EFCAB5: variants seen among roughly 807,000 people sequenced by gnomAD.
EFCAB5 encodes EF-hand calcium-binding domain-containing protein 5.
In EFCAB5, 131 loss-of-function variants were observed where a neutral mutation model predicts 167.9. The ratio of observed to expected loss-of-function variants is 0.78; its 90% confidence interval spans 0.68 to 0.90. The LOEUF is 0.90. EFCAB5 is among the 40% of genes least tolerant of loss of function. EFCAB5 has a pLI of 0.00. For missense variants in EFCAB5, 1,663 were observed against 1,745.2 expected, an observed-to-expected ratio of 0.95 and a Z score of 0.84; for synonymous variants, 574 against 602.8, an observed-to-expected ratio of 0.95 and a Z score of 0.70.
chr17:30,074,507 G>C (rs1238540193), intron 14 of EFCAB5: 1 of 152,132 alleles, frequency 6.6e-6, no homozygotes, highest in Non-Finnish European at 1.5e-5. Flanking sequence ...TTTTATTGCT[G>C]AGTAGTATTC....
chr17:30,020,306 A>G (rs982061894), intron 7 of EFCAB5, among the ~76,000 whole-genome samples: 4 of 140,356 alleles, frequency 2.8e-5, no homozygotes, highest in Non-Finnish European at 6.3e-5. Context: ...TTCTATGAAT[A>G]TTTTCCTTCT....
chr17:30,017,431 TACTACGCC>T (rs146013706), intron 7 of EFCAB5, among the ~76,000 whole-genome samples: 2,034 of 152,252 alleles, frequency 0.013, 36 homozygotes, highest in African/African-American at 0.047. Context: ...CAGGTTTATA[TACTACGCC>T]ACTACAGATA....
chr17:30,105,200 AAG>A (rs1301146977), intron 22 of EFCAB5, among the ~76,000 whole-genome samples: 5 of 152,204 alleles, frequency 3.3e-5, no homozygotes, highest in South Asian at 2.1e-4. Flanking sequence ...AATTAACAGA[AAG>A]AGAGATGAAT....
chr17:30,049,335 C>A (rs1297945042), intron 8 of EFCAB5, among the ~76,000 whole-genome samples: 1 of 152,048 alleles, frequency 6.6e-6, no homozygotes, highest in Non-Finnish European at 1.5e-5. Flanking sequence ...CAAAAATTAG[C>A]CAGGCGTGGT....
rs546928421 is a variant in EFCAB5, at chr17:29,944,631, T to G, written c.190+982T>G. On this transcript the variant is annotated intron_variant, in intron 3 of 22. Coordinates refer to ENST00000394835, the MANE Select transcript of EFCAB5 (RefSeq NM_198529.4). Reference sequence around the variant, plus strand: ...TGTTGTTTTCTGTTTTGTTTTGTTTTTTTTTTTTTGAGACGAAGTTTTGCG... The same window carrying G: ...TGTTGTTTTCTGTTTTGTTTTGTTTGTTTTTTTTTGAGACGAAGTTTTGCG... Among the ~76,000 whole-genome samples the G allele has an allele frequency of 2.6e-4, 39 of 151,022 alleles. 1 individual carries two copies. In the South Asian group the frequency reaches 6.3e-3, roughly 24 times the overall value.
At chr17:29,984,517 A>G (rs930936755) in intron 4 of EFCAB5, among the ~76,000 whole-genome samples, 3 of 152,058 alleles carry the variant, frequency 2.0e-5, no homozygotes, top group Non-Finnish European at 4.4e-5. Flanking sequence ...CAGGAGATTG[A>G]GACCAGCCTG....
intron 11 of EFCAB5, 34 bp downstream of exon 11, chr17:30,055,999 C>T: frequency 6.2e-7 from 1 of 1,613,042 alleles, no homozygotes; most frequent in Non-Finnish European, 8.5e-7. Flanking sequence ...TTCATTTATA[C>T]CCTAGAACAA....
intron 8 of EFCAB5, among the ~76,000 whole-genome samples, chr17:30,042,198 G>T (rs765430418): frequency 3.8e-4 from 58 of 151,896 alleles, no homozygotes; most frequent in Non-Finnish European, 6.2e-4. Flanking sequence ...TAATAGAGAC[G>T]GGGTTTTGCC....
chr17:30,056,794 A>C (rs566587682), intron 12 of EFCAB5, among the ~76,000 whole-genome samples: 1 of 152,278 alleles, frequency 6.6e-6, no homozygotes, highest in South Asian at 2.1e-4. Context: ...TCAAATAACA[A>C]ACTTTCTATC....
At chr17:30,001,914 G>C (rs1437462325) in intron 7 of EFCAB5, among the ~76,000 whole-genome samples, 7 of 152,238 alleles carry the variant, frequency 4.6e-5, no homozygotes, top group Admixed American at 2.6e-4. Context: ...ACCTAAAAAG[G>C]TTGAACACTT....
chr17:30,078,209 T>C lies in EFCAB5; in HGVS notation c.2738-6T>C. 6.2e-7 allele frequency: 1 copy of C among 1,603,996 alleles called. No individual in the cohort carries two copies. The highest frequency in any genetic ancestry group is 1.1e-5 in the South Asian group (1 of 90,032). ...TAGTTCTTGGTTTCGTGTTTGTGTC[T>C]TTTAGCTAAACTACACATCCAATTT... On this transcript the variant is annotated splice_region_variant and splice_polypyrimidine_tract_variant and intron_variant, in intron 14 of 22. Transcript: ENST00000394835.
chr17:30,023,283 G>A (rs1247496165), intron 7 of EFCAB5, among the ~76,000 whole-genome samples: 3 of 152,062 alleles, frequency 2.0e-5, no homozygotes, highest in Admixed American at 1.3e-4. Flanking sequence ...TAGAGCACTA[G>A]CAAGACTAAT....
At chr17:29,974,563 CTCACTAGGTATA>C (rs1567689039) in intron 4 of EFCAB5, among the ~76,000 whole-genome samples, 1 of 151,550 alleles carries the variant, frequency 6.6e-6, no homozygotes. Context: ...AAGAATATGT[CTCACTAGGTATA>C]TATATGTAAA....
chr17:29,975,661 G>C (rs1468454121), intron 4 of EFCAB5, among the ~76,000 whole-genome samples: 2 of 152,264 alleles, frequency 1.3e-5, no homozygotes, highest in African/African-American at 4.8e-5. Flanking sequence ...TTGGAATTAG[G>C]CACAGATATC....
chr17:30,041,305 C>G (rs1431047006), intron 8 of EFCAB5, among the ~76,000 whole-genome samples: 1 of 152,044 alleles, frequency 6.6e-6, no homozygotes, highest in Non-Finnish European at 1.5e-5. Flanking sequence ...TCAACATTAA[C>G]AGGAGTTTGA....
At chr17:30,036,821 T>C (rs1373401676) in intron 8 of EFCAB5, among the ~76,000 whole-genome samples, 1 of 152,128 alleles carries the variant, frequency 6.6e-6, no homozygotes, top group East Asian at 1.9e-4. Context: ...TAATGGAGAA[T>C]CATAAAGTAA....
intron 14 of EFCAB5, among the ~76,000 whole-genome samples, chr17:30,076,915 TAAAC>T (rs1180905426): frequency 6.6e-6 from 1 of 152,202 alleles, no homozygotes; most frequent in African/African-American, 2.4e-5. Context: ...GTTGAAAAGA[TAAAC>T]AACATGGAAG....
intron 14 of EFCAB5, among the ~76,000 whole-genome samples, chr17:30,068,171 G>A (rs902600717): frequency 6.6e-6 from 1 of 152,090 alleles, no homozygotes; most frequent in Non-Finnish European, 1.5e-5. Context: ...GGGCGTGGTG[G>A]CACGCTTGTA....
intron 8 of EFCAB5, among the ~76,000 whole-genome samples, chr17:30,044,983 A>G (rs1243752165): frequency 1.3e-5 from 2 of 152,244 alleles, no homozygotes; most frequent in Admixed American, 1.3e-4. Context: ...AAAGACAATG[A>G]ACCACTGATA....
Sources: allele counts gnomAD v4.1 joint callset (sites outside exome capture counted in the v4.1 genomes callset), GRCh38; gene constraint gnomAD v4.1.1; transcripts MANE v1.5; gene names NCBI Gene and HGNC (gene_info 2026-07-23, HGNC 2026-07-21).